Variants in CPA6 observed in about 807,000 individuals in gnomAD.
CPA6 encodes carboxypeptidase B.
A neutral mutation model predicts 63.3 loss-of-function variants in CPA6; 58 were observed. That is an observed-to-expected ratio of 0.92 (90% CI 0.74 to 1.14). The LOEUF is 1.14. Ranked by LOEUF, CPA6 falls within the 50% of genes most tolerant of loss-of-function variation. The pLI is 0.00. For missense variants in CPA6, 565 were observed against 526.6 expected (o/e 1.07, Z -0.71); for synonymous variants, 185 against 179.0 (o/e 1.03, Z -0.27).
chr8:67,666,360 C>A (rs113650771), intron 1 of CPA6, among the ~76,000 whole-genome samples: 75 of 152,246 alleles, frequency 4.9e-4, no homozygotes, highest in Non-Finnish European at 8.7e-4. Context: ...CAGTGCTACC[C>A]ATTCCTTTTG....
At chr8:67,633,664 G>A (rs1348598563) in intron 1 of CPA6, among the ~76,000 whole-genome samples, 2 of 141,656 alleles carry the variant, frequency 1.4e-5, no homozygotes, top group Non-Finnish European at 3.0e-5. Context: ...CTGGGCGACA[G>A]AGCGAGACTC....
chr8:67,591,712 C>T (rs534278397), intron 2 of CPA6, among the ~76,000 whole-genome samples: 38 of 152,190 alleles, frequency 2.5e-4, no homozygotes, highest in African/African-American at 7.2e-4. Flanking sequence ...TATAAGAAGG[C>T]TTGTGATTTT....
chr8:67,523,150 C>G (rs548452229), intron 2 of CPA6, among the ~76,000 whole-genome samples: 16 of 152,182 alleles, frequency 1.1e-4, no homozygotes. Context: ...CTTCAGTTTC[C>G]TCATTTATTA....
chr8:67,557,065 C>A (rs1813079405), intron 2 of CPA6, among the ~76,000 whole-genome samples: 1 of 152,164 alleles, frequency 6.6e-6, no homozygotes, highest in African/African-American at 2.4e-5. Context: ...CCCCCTCTAA[C>A]TTTGTACCTC....
intron 1 of CPA6, among the ~76,000 whole-genome samples, chr8:67,734,205 C>G (rs1211276251): frequency 6.6e-6 from 1 of 151,856 alleles, no homozygotes; most frequent in Non-Finnish European, 1.5e-5. Context: ...TTTATTTGCT[C>G]TTATATAAAA....
intron 8 of CPA6, among the ~76,000 whole-genome samples, chr8:67,465,921 T>C (rs1356377534): frequency 6.6e-6 from 1 of 152,142 alleles, no homozygotes; most frequent in Admixed American, 6.6e-5. Flanking sequence ...TTTTCTTTTT[T>C]CATTGTGTCT....
chr8:67,478,262 C>T (rs11780191), intron 8 of CPA6, among the ~76,000 whole-genome samples: 67,854 of 152,062 alleles, frequency 0.45, 16,481 homozygotes, highest in African/African-American at 0.66. Flanking sequence ...GGAAAGGGCA[C>T]GGAGCTTTCA....
chr8:67,648,164 C>T (rs894726582), intron 1 of CPA6, among the ~76,000 whole-genome samples: 1 of 151,226 alleles, frequency 6.6e-6, no homozygotes, highest in African/African-American at 2.4e-5. Context: ...ACATATAATT[C>T]ATCATTTCAG....
At chr8:67,740,058 T>C (rs530701884) in intron 1 of CPA6, among the ~76,000 whole-genome samples, 1 of 152,264 alleles carries the variant, frequency 6.6e-6, no homozygotes, top group African/African-American at 2.4e-5. Context: ...AGACATGGAA[T>C]AAAACTCATT....
At chr8:67,532,338 T>TA (rs1030986768) in intron 2 of CPA6, among the ~76,000 whole-genome samples, 1 of 149,250 alleles carries the variant, frequency 6.7e-6, no homozygotes, top group Admixed American at 6.6e-5. Context: ...ATTCATCAAA[T>TA]AAAAAAAATA....
chr8:67,422,331 CCTGTTTTTTACTGTTTT>C lies in CPA6; in HGVS notation c.*156_*172del. 1 of 481,582 alleles carries C rather than the reference CCTGTTTTTTACTGTTTT, an allele frequency of 2.1e-6. No homozygotes were observed. The highest frequency in any genetic ancestry group is 3.7e-6 in the Non-Finnish European group (1 of 273,200). The allele number at this position is 481,582 out of a possible 1,614,324, so 29.8% of individuals were successfully genotyped here. ...TTTCTTATAACAAACTAGGCTATGCCCTGTTTTTTACTGTTTTCTATTGCCACAAAGTCAAATTGCGT... is the reference window on the plus strand; with the variant it reads ...TTTCTTATAACAAACTAGGCTATGCCCTATTGCCACAAAGTCAAATTGCGT... On this transcript the variant is annotated 3_prime_UTR_variant, in exon 11 of 11. Coordinates refer to ENST00000297770, the MANE Select transcript of CPA6 (RefSeq NM_020361.5).
chr8:67,535,927 T>C (rs953534846), intron 2 of CPA6, among the ~76,000 whole-genome samples: 1 of 152,222 alleles, frequency 6.6e-6, no homozygotes, highest in Non-Finnish European at 1.5e-5. Context: ...TGCATATGGC[T>C]AGGCAGTTTT....
chr8:67,677,835 G>A (rs1292535470), intron 1 of CPA6, among the ~76,000 whole-genome samples: 1 of 151,390 alleles, frequency 6.6e-6, no homozygotes, highest in Non-Finnish European at 1.5e-5. Flanking sequence ...TAAATTCCAG[G>A]TAGCTTGTAG....
intron 2 of CPA6, among the ~76,000 whole-genome samples, chr8:67,589,972 C>T (rs924876263): frequency 1.6e-4 from 24 of 151,424 alleles, no homozygotes; most frequent in African/African-American, 5.1e-4. Flanking sequence ...ATGTGCCATG[C>T]TGGTGTGCTG....
chr8:67,452,139 T>C (rs374087385), intron 8 of CPA6, among the ~76,000 whole-genome samples: 19 of 152,260 alleles, frequency 1.2e-4, no homozygotes, highest in African/African-American at 4.3e-4. Flanking sequence ...AGATGTGCAA[T>C]TGGAGAGGTT....
At chr8:67,439,729 G>C (rs1015686993) in intron 8 of CPA6, among the ~76,000 whole-genome samples, 2 of 152,108 alleles carry the variant, frequency 1.3e-5, no homozygotes, top group African/African-American at 4.8e-5. Flanking sequence ...GAAACTAATT[G>C]ATCAAATGAC....
At chr8:67,492,629 T>C (rs561686320) in intron 6 of CPA6, among the ~76,000 whole-genome samples, 2 of 152,272 alleles carry the variant, frequency 1.3e-5, no homozygotes, top group South Asian at 4.1e-4. Context: ...CAAAAGCTCT[T>C]AGGATCACGG....
At chr8:67,448,926 A>G (rs929750626) in intron 8 of CPA6, among the ~76,000 whole-genome samples, 4 of 152,044 alleles carry the variant, frequency 2.6e-5, no homozygotes, top group African/African-American at 9.7e-5. Context: ...TAATTTTCCT[A>G]CCAAATTAAA....
At chr8:67,455,663 C>CAAAAAAAAA (rs552041509) in intron 8 of CPA6, among the ~76,000 whole-genome samples, 664 of 30,294 alleles carry the variant, frequency 0.022, 45 homozygotes, top group African/African-American at 0.024. Context: ...TCTACAAAAG[C>CAAAAAAAAA]AAAAAAAAAA....
Sources: allele counts gnomAD v4.1 joint callset (sites outside exome capture counted in the v4.1 genomes callset), GRCh38; gene constraint gnomAD v4.1.1; transcripts MANE v1.5; gene names NCBI Gene and HGNC (gene_info 2026-07-23, HGNC 2026-07-21).